KDM4B: variants seen among roughly 807,000 people sequenced by gnomAD.
KDM4B encodes the protein lysine-specific demethylase 4B.
Under a neutral mutation model 125.2 loss-of-function variants are expected in KDM4B, and 32 were observed. The ratio of observed to expected loss-of-function variants is 0.26; its 90% CI spans 0.19 to 0.34. The LOEUF is 0.34. Ranked by LOEUF, KDM4B falls within the 10% of genes least tolerant of loss-of-function variation. The probability of loss-of-function intolerance (pLI) is 1.00; values close to 1 mark genes in which losing one functional copy is unlikely to be tolerated. For missense variants in KDM4B, 1,190 were observed against 1,577.7 expected (o/e 0.75, Z 4.16); for synonymous variants, 721 against 677.9 (o/e 1.06, Z -0.99).
In KDM4B at chr19:4,977,666, G is replaced by A. The variant is rs530602097; in HGVS notation, c.-109+8436G>A. On this transcript the variant is annotated intron_variant, in intron 1 of 22. Coordinates refer to ENST00000159111, the MANE Select transcript of KDM4B (RefSeq NM_015015.3). Reference sequence around the variant, plus strand: ...ATCGCTCTTTGTGTGATGGGTCCCAGGGGTTCCTTTTGACCACAGAGCCAG... The same window carrying A: ...ATCGCTCTTTGTGTGATGGGTCCCAAGGGTTCCTTTTGACCACAGAGCCAG... Among the ~76,000 whole-genome samples the A allele has an allele frequency of 3.9e-5, 6 of 152,344 alleles. No individual in the cohort carries two copies. The East Asian group carries it at 9.6e-4, about 24-fold the overall frequency.
chr19:5,090,503 CCCCTCTCTCT>C (rs1224289937), intron 9 of KDM4B, among the ~76,000 whole-genome samples: 4 of 42,286 alleles, frequency 9.5e-5, no homozygotes, highest in African/African-American at 3.3e-4. Context: ...CCCCTCTCGC[CCCCTCTCTCT>C]CCCTCTCCCC....
chr19:5,090,197 A>G (rs117078574), intron 9 of KDM4B, among the ~76,000 whole-genome samples: 2,127 of 152,178 alleles, frequency 0.014, 15 homozygotes, highest in Non-Finnish European at 0.024. Context: ...TCTGCCAGGG[A>G]GAGGTGAGAG....
chr19:5,114,562 CACTT>C lies in KDM4B; in HGVS notation c.1115+3745_1115+3748del, dbSNP rs1335400123. 4.7e-5 allele frequency: 16 copies of C among 342,256 alleles called. No homozygotes were observed. Among genetic ancestry groups the C allele is most frequent in the Non-Finnish European group, 8.7e-5 (15 of 172,076 alleles). 21.2% of individuals were successfully genotyped at this position (342,256 alleles called of 1,614,324 possible). ...CAGGGAGTGCGCAGCCTCAGGGACT[CACTT>C]GCTGTCTCCTGTCTCTTTCCTAGAG... On this transcript the variant is annotated intron_variant, in intron 10 of 22. Coordinates refer to ENST00000159111, the MANE Select transcript of KDM4B (RefSeq NM_015015.3). This position sits in a 1 kb window ranked among gnomAD's most constrained non-coding sequence, Gnocchi z 5.8.
intron 6 of KDM4B, among the ~76,000 whole-genome samples, chr19:5,056,701 C>T (rs1466648077): frequency 1.3e-5 from 2 of 152,198 alleles, no homozygotes; most frequent in Non-Finnish European, 2.9e-5. Context: ...TCACTGTGCC[C>T]AGCCACCTCC....
At chr19:5,054,890 C>T (rs895275308) in intron 6 of KDM4B, among the ~76,000 whole-genome samples, 1 of 152,258 alleles carries the variant, frequency 6.6e-6, no homozygotes, top group Non-Finnish European at 1.5e-5. Context: ...GTCGGCCTGA[C>T]GCCATCAGCC....
intron 10 of KDM4B, chr19:5,119,321 G>C (rs1387749524): frequency 1.2e-6 from 1 of 832,214 alleles, no homozygotes; most frequent in Non-Finnish European, 1.9e-6. Flanking sequence ...TGGCACACGC[G>C]GCTCCTGCCG....
intron 2 of KDM4B, among the ~76,000 whole-genome samples, chr19:5,029,246 C>T (rs2036375724): frequency 6.6e-6 from 1 of 152,230 alleles, no homozygotes; most frequent in Non-Finnish European, 1.5e-5. Flanking sequence ...TTTGTCTTTG[C>T]CTCTGAGTTG....
chr19:5,015,685 T>TA (rs1363174489), intron 1 of KDM4B, among the ~76,000 whole-genome samples: 9 of 151,952 alleles, frequency 5.9e-5, no homozygotes, highest in African/African-American at 1.2e-4. Flanking sequence ...CCCTGTCTCT[T>TA]AAAAAAAATA....
chr19:5,094,186 G>T (rs979366165), intron 9 of KDM4B, among the ~76,000 whole-genome samples: 1 of 152,230 alleles, frequency 6.6e-6, no homozygotes, highest in Non-Finnish European at 1.5e-5. Context: ...GGCACCAGGT[G>T]CTGACCCCCG....
rs1034273050 is a variant in KDM4B at position 5,152,177 on chromosome 19, C to G, written c.*666C>G. The G allele has an allele frequency of 1.3e-5, 2 of 152,242 alleles. No individual in the cohort carries two copies. The highest frequency in any genetic ancestry group is 4.8e-5 in the African/African-American group (2 of 41,460). 9.4% of individuals were successfully genotyped at this position (152,242 alleles called of 1,614,324 possible). A position where few individuals can be genotyped will look rare whatever the true frequency, so the allele number is the denominator to read the frequency against. On this transcript the variant is annotated 3_prime_UTR_variant, in exon 23 of 23. Coordinates refer to ENST00000159111, the MANE Select transcript of KDM4B (RefSeq NM_015015.3). Reference sequence around the variant, plus strand: ...CTCACGGCCTCGCTCTCGCCTCACCCCGGCTCCTGGGCTTTGATGGTCTGG... The same window carrying G: ...CTCACGGCCTCGCTCTCGCCTCACCGCGGCTCCTGGGCTTTGATGGTCTGG...
rs1173851843 is a variant in KDM4B, at chr19:5,108,270, C to T, written c.919-2352C>T. Among the ~76,000 whole-genome samples the T allele has an allele frequency of 2.6e-5, 4 of 152,358 alleles. No individual in the cohort carries two copies. The East Asian group carries it at 7.7e-4, about 29-fold the overall frequency. On this transcript the variant is annotated intron_variant, in intron 9 of 22. Transcript: ENST00000159111. ...AGTCGGCCTGTCCAGGAGTCTGAAA[C>T]GCCGGCACCATCTGTGTTCCTGCCA... is the stretch of plus-strand genomic sequence containing the variant.
rs567756660 is a variant in KDM4B, at chr19:5,124,466, C to T, written c.1315+4614C>T. Among the ~76,000 whole-genome samples the T allele has an allele frequency of 8.5e-5, 13 of 152,240 alleles. No homozygotes were observed. In the East Asian group the frequency reaches 1.2e-3, roughly 14 times the overall value. ...CCTGGGAGGGGTCACAAGGATCCCC[C>T]GTACCATGGGTGTCTTCCTCCCTCT... On this transcript the variant is annotated intron_variant, in intron 11 of 22. Transcript: ENST00000159111.
At chr19:5,027,166 C>T (rs970716035) in intron 2 of KDM4B, among the ~76,000 whole-genome samples, 34 of 152,354 alleles carry the variant, frequency 2.2e-4, no homozygotes, top group Non-Finnish European at 3.7e-4. Context: ...AGGCAGAGGC[C>T]GGCAGAGGCA....
rs536010139 is a variant in KDM4B at position 5,081,514 on chromosome 19, T to C, written c.781-853T>C. 2.0e-5 allele frequency among the ~76,000 whole-genome samples: 3 copies of C among 152,254 alleles called. No homozygotes were observed. In the East Asian group the frequency reaches 5.8e-4, roughly 29 times the overall value. The stretch of plus-strand genomic sequence containing the variant: ...GGTGGCTGTTGGGAAACCTTGGGTC[T>C]GGGGTCATTGTGGGCCCCACCCCAG... On this transcript the variant is annotated intron_variant, in intron 8 of 22. Coordinates refer to ENST00000159111, the MANE Select transcript of KDM4B (RefSeq NM_015015.3). This position sits in a 1 kb window ranked among gnomAD's most constrained non-coding sequence, Gnocchi z 4.2.
At chr19:5,147,244 C>T (rs1021254628) in intron 21 of KDM4B, among the ~76,000 whole-genome samples, 9 of 152,202 alleles carry the variant, frequency 5.9e-5, no homozygotes, top group Non-Finnish European at 8.8e-5. Flanking sequence ...CCATTTATAA[C>T]GTACACAGAG....
intron 19 of KDM4B, 41 bp downstream of exon 19, chr19:5,144,193 C>A (rs1854966162): frequency 3.8e-6 from 6 of 1,585,560 alleles, no homozygotes; most frequent in Non-Finnish European, 5.2e-6. Flanking sequence ...CCCCTGGCTC[C>A]CGCCCCCACC....
At chr19:5,135,612 G>A (rs1313562441) in intron 15 of KDM4B, 51 bp downstream of exon 15, 1 of 1,465,138 alleles carries the variant, frequency 6.8e-7, no homozygotes, top group Non-Finnish European at 9.2e-7. Context: ...TCAGGGTGTT[G>A]GTGGGGGTGC....
chr19:4,969,147 C>G lies in KDM4B; in HGVS notation c.-192C>G, dbSNP rs1027546731. On this transcript the variant is annotated 5_prime_UTR_variant, in exon 1 of 23. Coordinates refer to ENST00000159111, the MANE Select transcript of KDM4B (RefSeq NM_015015.3). Reference sequence around the variant, plus strand: ...TCGCCAGCAACCGAGCGGGGCCCGGCCCGAGCGGGGCCTGGGGGTGCGACG... The same window carrying G: ...TCGCCAGCAACCGAGCGGGGCCCGGGCCGAGCGGGGCCTGGGGGTGCGACG... The G allele has an allele frequency of 6.6e-6, 1 of 150,768 alleles. No homozygotes were observed. The highest frequency in any genetic ancestry group is 6.6e-5 in the Admixed American group (1 of 15,146). 9.3% of individuals were successfully genotyped at this position (150,768 alleles called of 1,614,324 possible). A position where few individuals can be genotyped will look rare whatever the true frequency, so the allele number is the denominator to read the frequency against.
At chr19:4,993,118 T>G (rs2035080227) in intron 1 of KDM4B, among the ~76,000 whole-genome samples, 1 of 151,674 alleles carries the variant, frequency 6.6e-6, no homozygotes. Flanking sequence ...TTATTGAAAG[T>G]GAGGGTATGA....
Sources: gnomAD v4.1 joint callset for allele counts (sites outside exome capture counted in the v4.1 genomes callset) on GRCh38, gnomAD v4.1.1 for gene constraint, Gnocchi (gnomAD v3.1) non-coding constraint, MANE v1.5 for transcripts, NCBI Gene and HGNC (gene_info 2026-07-23, HGNC 2026-07-21) for gene names.